CFHR4: variants seen among roughly 807,000 people sequenced by gnomAD.
CFHR4 encodes complement factor H-related protein 4.
A neutral mutation model predicts 69.3 loss-of-function variants in CFHR4; 64 were observed. That is an observed-to-expected ratio of 0.92 (90% CI 0.76 to 1.14). The LOEUF (loss-of-function observed/expected upper bound fraction) is 1.14, where lower values mean the gene tolerates loss of function less well. Among genes scored for constraint, CFHR4 ranks in the 50% most tolerant of loss-of-function variants. The pLI is 0.00. For missense variants in CFHR4, 636 were observed against 684.9 expected (o/e 0.93, Z 0.80); for synonymous variants, 244 against 237.0 (o/e 1.03, Z -0.27).
chr1:196,903,458 GC>G (rs1657732351), intron 2 of CFHR4, among the ~76,000 whole-genome samples: 1 of 150,380 alleles, frequency 6.6e-6, no homozygotes, highest in South Asian at 2.1e-4. Context: ...TTCAAGACCA[GC>G]CTGGTCAACA....
intron 7 of CFHR4, 90 bp downstream of exon 7, chr1:196,913,012 C>T: frequency 6.3e-7 from 1 of 1,592,418 alleles, no homozygotes; most frequent in Non-Finnish European, 8.6e-7. Context: ...ATAGAAAACA[C>T]TTTTAGGAGT....
chr1:196,918,493 T>C lies in CFHR4; in HGVS notation c.*87T>C. ...CTTGCAAAGATAGCTTCTGATATTGTTGTAATTTCTACTTTATTTCAAAGA... is the reference window on the plus strand; with the variant it reads ...CTTGCAAAGATAGCTTCTGATATTGCTGTAATTTCTACTTTATTTCAAAGA... On this transcript the variant is annotated 3_prime_UTR_variant, in exon 10 of 10. Transcript: ENST00000608469. 3.1e-6 allele frequency: 4 copies of C among 1,284,884 alleles called. No homozygotes were observed. Among genetic ancestry groups the C allele is most frequent in the East Asian group, 2.4e-5 (1 of 42,304 alleles). 79.6% of individuals were successfully genotyped at this position (1,284,884 alleles called of 1,614,324 possible).
chr1:196,909,754 G>A (rs1402837033), intron 5 of CFHR4, among the ~76,000 whole-genome samples: 2 of 151,158 alleles, frequency 1.3e-5, no homozygotes, highest in African/African-American at 4.9e-5. Context: ...GTTGATAGGT[G>A]GAGCTAACCA....
chr1:196,912,927 G>C lies in CFHR4; in HGVS notation c.1180+5G>C. 6.2e-7 allele frequency: 1 copy of C among 1,611,420 alleles called. No individual in the cohort carries two copies. Among genetic ancestry groups the C allele is most frequent in the South Asian group, 1.1e-5 (1 of 90,894 alleles). ...CAGCACAACCAATTTGCATTAGTAA[G>C]TGATTTACATATTCCCATTCAGTTT... On this transcript the variant is annotated splice_donor_5th_base_variant and intron_variant, in intron 7 of 9. Transcript: ENST00000608469.
rs763104410 is a variant in CFHR4, at chr1:196,914,207, A to G, written c.1181-288A>G. 9.2e-5 allele frequency among the ~76,000 whole-genome samples: 14 copies of G among 151,502 alleles called. 1 individual carries two copies. The highest frequency in any genetic ancestry group is 1.5e-4 in the Non-Finnish European group (10 of 67,950). ...TGTAGTATCATAGTAGTAGACTTTAATAACAGCCAATGAGATTTTTCACAA... is the reference window on the plus strand; with the variant it reads ...TGTAGTATCATAGTAGTAGACTTTAGTAACAGCCAATGAGATTTTTCACAA... On this transcript the variant is annotated intron_variant, in intron 7 of 9. Transcript: ENST00000608469.
chr1:196,899,657 A>G (rs1388277168), intron 1 of CFHR4, among the ~76,000 whole-genome samples: 1 of 151,630 alleles, frequency 6.6e-6, no homozygotes, highest in African/African-American at 2.4e-5. Flanking sequence ...CACTGTGCAT[A>G]AAAACTATAA....
intron 2 of CFHR4, 79 bp downstream of exon 2, chr1:196,902,694 C>CT: frequency 9.2e-7 from 1 of 1,089,460 alleles, no homozygotes; most frequent in Non-Finnish European, 1.4e-6. Flanking sequence ...ATTATATTGT[C>CT]TTATATAACA....
intron 6 of CFHR4, among the ~76,000 whole-genome samples, chr1:196,911,757 G>T (rs1279229104): frequency 1.3e-5 from 2 of 151,456 alleles, no homozygotes; most frequent in Non-Finnish European, 1.5e-5. Flanking sequence ...CCTGCCATAG[G>T]CACCAACTCT....
At chr1:196,902,759 T>G in intron 2 of CFHR4, 144 bp downstream of exon 2, 1 of 590,042 alleles carries the variant, frequency 1.7e-6, no homozygotes, top group Non-Finnish European at 2.9e-6. Flanking sequence ...TGGATCTTTT[T>G]TGTTATGAGA....
chr1:196,890,902 T>G (rs1656991975), intron 1 of CFHR4, among the ~76,000 whole-genome samples: 1 of 151,552 alleles, frequency 6.6e-6, no homozygotes, highest in Non-Finnish European at 1.5e-5. Context: ...GAGAAACGAT[T>G]TTTAGAAATG....
rs1389011185 is a variant in CFHR4 at position 196,905,142 on chromosome 1, T to C, written c.291T>C (p.Asn97=). The part of the protein sequence containing the change: ...TCSKSDVEIE[N]GFISESSSIY... ...CAAAATCAGATGTAGAAATTGAAAA[T>C]GGATTCATTTCTGAATCTTCCTCTA... is the stretch of plus-strand genomic sequence containing the variant. The change falls in exon 3 of 10, where the codon AAT becomes AAC. Residue 97 remains asparagine (N), a synonymous_variant. Transcript: ENST00000608469. 1 of 1,602,912 alleles carries C rather than the reference T, an allele frequency of 6.2e-7. No homozygotes were observed. Among genetic ancestry groups the C allele is most frequent in the Non-Finnish European group, 8.5e-7 (1 of 1,175,370 alleles).
chr1:196,896,487 C>T (rs1399833374), intron 1 of CFHR4, among the ~76,000 whole-genome samples: 1 of 151,534 alleles, frequency 6.6e-6, no homozygotes, highest in Non-Finnish European at 1.5e-5. Context: ...TTTCTGTCTG[C>T]ATCTCTGTGA....
chr1:196,907,239 A>G (rs1657961145), intron 4 of CFHR4, 77 bp from the exon 5 acceptor site: 1 of 1,295,692 alleles, frequency 7.7e-7, no homozygotes, highest in Non-Finnish European at 1.1e-6. Flanking sequence ...TACATTTAAG[A>G]GTATATAAAA....
At chr1:196,903,228 G>A (rs1657717733) in intron 2 of CFHR4, among the ~76,000 whole-genome samples, 3 of 151,326 alleles carry the variant, frequency 2.0e-5, no homozygotes. Context: ...CAACTCTGAA[G>A]CCGAATTTAT....
intron 5 of CFHR4, among the ~76,000 whole-genome samples, chr1:196,908,785 C>G (rs1433482904): frequency 1.3e-5 from 2 of 151,574 alleles, no homozygotes; most frequent in East Asian, 3.9e-4. Context: ...AAACTGTAAA[C>G]TCACGAGTTT....
chr1:196,898,997 C>A (rs1657453493), intron 1 of CFHR4, among the ~76,000 whole-genome samples: 1 of 151,668 alleles, frequency 6.6e-6, no homozygotes, highest in East Asian at 1.9e-4. Context: ...CACACACTCT[C>A]ACCTGAGCCA....
At chr1:196,891,711 AG>A (rs1244270946) in intron 1 of CFHR4, among the ~76,000 whole-genome samples, 1 of 151,594 alleles carries the variant, frequency 6.6e-6, no homozygotes, top group African/African-American at 2.4e-5. Context: ...CTTGATATAA[AG>A]AAACTTGTTT....
At chr1:196,904,248 T>C (rs892814543) in intron 2 of CFHR4, among the ~76,000 whole-genome samples, 1 of 151,560 alleles carries the variant, frequency 6.6e-6, no homozygotes, top group Non-Finnish European at 1.5e-5. Context: ...AATACTGTAG[T>C]TTAGAGACTG....
In CFHR4 at chr1:196,888,816, T is replaced by A. The variant is rs80026533; in HGVS notation, c.58+608T>A. On this transcript the variant is annotated intron_variant, in intron 1 of 9. Coordinates refer to ENST00000608469, the MANE Select transcript of CFHR4 (RefSeq NM_001201550.3). ...TACTTAACTTACATTGGAATGACAGTAAATTTTAATTTGCATTTCTGAGTT... is the reference window on the plus strand; with the variant it reads ...TACTTAACTTACATTGGAATGACAGAAAATTTTAATTTGCATTTCTGAGTT... 5.8e-3 allele frequency among the ~76,000 whole-genome samples: 883 copies of A among 151,518 alleles called. 46 individuals carry two copies. Among genetic ancestry groups the A allele is most frequent in the African/African-American group, 0.021 (852 of 41,206 alleles).
Sources: allele counts gnomAD v4.1 joint callset (sites outside exome capture counted in the v4.1 genomes callset), GRCh38; gene constraint gnomAD v4.1.1; transcripts MANE v1.5; gene names NCBI Gene and HGNC (gene_info 2026-07-23, HGNC 2026-07-21).